Variants in COL23A1 observed in about 807,000 individuals in gnomAD.
COL23A1 encodes the protein collagen type XXIII alpha 1 chain.
Under a neutral mutation model 99.3 loss-of-function variants are expected in COL23A1, and 97 were observed. That is an observed-to-expected ratio of 0.98 (90% confidence interval 0.83 to 1.16). The LOEUF is 1.16. COL23A1 is among the 50% of genes most tolerant of loss of function. The pLI is 0.00. For synonymous variants in COL23A1, 320 were observed against 308.2 expected (o/e 1.04, Z -0.40); for missense variants, 762 against 757.4 (o/e 1.01, Z -0.07).
At chr5:178,334,859 T>C (rs975147951) in intron 2 of COL23A1, among the ~76,000 whole-genome samples, 5 of 152,214 alleles carry the variant, frequency 3.3e-5, no homozygotes, top group African/African-American at 1.2e-4. Flanking sequence ...AAGAGGTGGC[T>C]TTCTTAGTGT....
At chr5:178,363,951 A>G (rs10464069) in intron 2 of COL23A1, among the ~76,000 whole-genome samples, 22,950 of 151,858 alleles carry the variant, frequency 0.15, 2,487 homozygotes, top group East Asian at 0.51. Context: ...ATGTGGGAGA[A>G]CCTCCTAGAA....
At chr5:178,464,495 C>A (rs1311986314) in intron 2 of COL23A1, among the ~76,000 whole-genome samples, 1 of 152,190 alleles carries the variant, frequency 6.6e-6, no homozygotes, top group African/African-American at 2.4e-5. Flanking sequence ...GCACGTACCC[C>A]ACTTAGACAC....
chr5:178,347,127 G>A (rs991230171), intron 2 of COL23A1, among the ~76,000 whole-genome samples: 4 of 152,138 alleles, frequency 2.6e-5, no homozygotes, highest in African/African-American at 9.7e-5. Flanking sequence ...CTGAGGCACT[G>A]GGAGCCGCAC....
chr5:178,556,708 T>G (rs1235265417), intron 2 of COL23A1, among the ~76,000 whole-genome samples: 1 of 150,320 alleles, frequency 6.7e-6, no homozygotes, highest in Non-Finnish European at 1.5e-5. Context: ...AGTCCAACAC[T>G]TTGGGAGGCT....
chr5:178,516,146 T>G (rs1265416905), intron 2 of COL23A1, among the ~76,000 whole-genome samples: 1 of 152,126 alleles, frequency 6.6e-6, no homozygotes, highest in Non-Finnish European at 1.5e-5. Flanking sequence ...TCCACCACCC[T>G]ACCCCTCTTC....
Position 178,585,511 on chromosome 5 carries a change from T to C in COL23A1, c.294+4393A>G, listed in dbSNP as rs1473296174. Among the ~76,000 whole-genome samples the C allele has an allele frequency of 2.9e-3, 310 of 105,746 alleles. 9 individuals are homozygous for C. The highest frequency in any genetic ancestry group is 0.021 in the Middle Eastern group (5 of 234). 69.4% of individuals were successfully genotyped at this position (105,746 alleles called of 152,430 possible). ...GCCCTGGATGACGCTGGAGTAACAC[T>C]CCACGTCCCTGGATGACGCTGGAGT... On this transcript the variant is annotated intron_variant, in intron 1 of 28. Transcript: ENST00000390654.
chr5:178,374,905 A>G (rs4976766), intron 2 of COL23A1, among the ~76,000 whole-genome samples: 19,892 of 152,174 alleles, frequency 0.13, 1,666 homozygotes, highest in East Asian at 0.33. Flanking sequence ...TAACCCCAAT[A>G]ACCAATAACC....
At chr5:178,530,749 G>C (rs916347087) in intron 2 of COL23A1, among the ~76,000 whole-genome samples, 1 of 152,168 alleles carries the variant, frequency 6.6e-6, no homozygotes, top group East Asian at 1.9e-4. Flanking sequence ...GTGAGTGAGC[G>C]AGCCTTCAGA....
At chr5:178,460,421 G>C (rs571447350) in intron 2 of COL23A1, among the ~76,000 whole-genome samples, 2 of 152,060 alleles carry the variant, frequency 1.3e-5, no homozygotes, top group South Asian at 4.2e-4. Context: ...GGGCTGCTGG[G>C]ATCTGTAAGG....
At chr5:178,293,967 C>T (rs76424366) in intron 3 of COL23A1, among the ~76,000 whole-genome samples, 4,343 of 152,062 alleles carry the variant, frequency 0.029, 200 homozygotes, top group African/African-American at 0.099. Context: ...TCAAGATTCA[C>T]AGGAATTCAC....
At chr5:178,354,772 T>C (rs1761531666) in intron 2 of COL23A1, among the ~76,000 whole-genome samples, 1 of 152,036 alleles carries the variant, frequency 6.6e-6, no homozygotes, top group Admixed American at 6.6e-5. Flanking sequence ...CCTCTTTTCT[T>C]TAGGTTGGGT....
chr5:178,249,118 G>C lies in COL23A1; in HGVS notation c.1148C>G (p.Pro383Arg). 2 of 1,614,112 alleles carry C rather than the reference G, an allele frequency of 1.2e-6. No homozygotes were observed. The highest frequency in any genetic ancestry group is 1.7e-5 in the Admixed American group (1 of 60,024). ...GTGTGGCCCAACCCAGCCACATACCGGGAGGCCGGACAAGCCCATCTCGCC... is the reference window on the plus strand; with the variant it reads ...GTGTGGCCCAACCCAGCCACATACCCGGAGGCCGGACAAGCCCATCTCGCC... ...EAGEMGLSGL[P>R]GADGLKGEKG... is the part of the protein sequence containing the mutation. The change falls in exon 19 of 29, where the codon CCG becomes CGG. Residue 383 changes from proline to arginine, a missense_variant and splice_region_variant. By Grantham distance (103) the Pro-to-Arg change is moderately radical. Transcript: ENST00000390654.
intron 2 of COL23A1, among the ~76,000 whole-genome samples, chr5:178,368,079 G>A (rs1025237466): frequency 6.6e-6 from 1 of 152,226 alleles, no homozygotes; most frequent in African/African-American, 2.4e-5. Context: ...GCCTTGAAGG[G>A]AGGGAGGATT....
At chr5:178,305,928 C>T (rs932893011) in intron 3 of COL23A1, among the ~76,000 whole-genome samples, 12 of 152,024 alleles carry the variant, frequency 7.9e-5, no homozygotes, top group African/African-American at 1.9e-4. Flanking sequence ...CTCCCTGTGA[C>T]GGGGAAGCCC....
In COL23A1 at chr5:178,255,712, G is replaced by A. The variant is rs1271380478; in HGVS notation, c.882+641C>T. 3.3e-5 allele frequency: 7 copies of A among 210,242 alleles called. No individual in the cohort carries two copies. The highest frequency in any genetic ancestry group is 1.0e-4 in the South Asian group (2 of 19,976). The allele number at this position is 210,242 out of a possible 1,614,324, so 13.0% of individuals were successfully genotyped here. ...GGGCCTCATTTGCCAGCCCTCCCCCGTCCCCAGTCACAGCCTGCCCAGAAC... is the reference window on the plus strand; with the variant it reads ...GGGCCTCATTTGCCAGCCCTCCCCCATCCCCAGTCACAGCCTGCCCAGAAC... On this transcript the variant is annotated intron_variant, in intron 15 of 28. Transcript: ENST00000390654. The surrounding 1 kb of genome is among the most constrained non-coding windows in gnomAD (Gnocchi z 4.2).
intron 2 of COL23A1, among the ~76,000 whole-genome samples, chr5:178,380,351 G>A (rs13171998): frequency 0.029 from 4,396 of 152,058 alleles, 111 homozygotes; most frequent in Non-Finnish European, 0.047. Flanking sequence ...ACACTCCAGT[G>A]CAGCCACGTA....
intron 2 of COL23A1, among the ~76,000 whole-genome samples, chr5:178,378,583 T>C (rs1345930395): frequency 6.6e-6 from 1 of 152,126 alleles, no homozygotes; most frequent in Non-Finnish European, 1.5e-5. Context: ...AGGGAGAAGG[T>C]GGCGTGGAGA....
Position 178,340,884 on chromosome 5 carries a change from T to C in COL23A1, c.362-33965A>G, listed in dbSNP as rs1268190198. Reference sequence around the variant, plus strand: ...GGCCAGGCAGCATGGCTGATGTGCATGGGCGCGGGGCTCAAGGTCAGACCC... The same window carrying C: ...GGCCAGGCAGCATGGCTGATGTGCACGGGCGCGGGGCTCAAGGTCAGACCC... On this transcript the variant is annotated intron_variant, in intron 2 of 28. Coordinates refer to ENST00000390654, the MANE Select transcript of COL23A1 (RefSeq NM_173465.4). The surrounding 1 kb of genome is among the most constrained non-coding windows in gnomAD (Gnocchi z 4.7). 2.0e-5 allele frequency among the ~76,000 whole-genome samples: 3 copies of C among 152,212 alleles called. No homozygotes were observed. The highest frequency in any genetic ancestry group is 2.9e-5 in the Non-Finnish European group (2 of 68,040).
intron 2 of COL23A1, among the ~76,000 whole-genome samples, chr5:178,550,630 C>T (rs1761947530): frequency 6.6e-6 from 1 of 152,140 alleles, no homozygotes; most frequent in African/African-American, 2.4e-5. Flanking sequence ...GATCTTCAAT[C>T]CATGTGGAAT....
Sources: gnomAD v4.1 joint callset for allele counts (sites outside exome capture counted in the v4.1 genomes callset) on GRCh38, gnomAD v4.1.1 for gene constraint, Gnocchi (gnomAD v3.1) non-coding constraint, MANE v1.5 for transcripts, NCBI Gene and HGNC (gene_info 2026-07-23, HGNC 2026-07-21) for gene names.